Variants in RNF146 observed in about 807,000 individuals in gnomAD.
RNF146 encodes E3 ubiquitin-protein ligase RNF146.
Under a neutral mutation model 29.7 loss-of-function variants are expected in RNF146, and 11 were observed. The ratio of observed to expected loss-of-function variants is 0.37; its 90% CI spans 0.23 to 0.61. The LOEUF (loss-of-function observed/expected upper bound fraction) is 0.61. Ranked by LOEUF, RNF146 falls within the 20% of genes least tolerant of loss-of-function variation. The pLI is 0.66. For missense variants in RNF146, 342 were observed against 438.9 expected (o/e 0.78, Z 1.97); for synonymous variants, 150 against 159.7 (o/e 0.94, Z 0.46).
chr6:127,274,437 T>C (rs181687813), intron 1 of RNF146, among the ~76,000 whole-genome samples: 1 of 144,196 alleles, frequency 6.9e-6, no homozygotes, highest in Non-Finnish European at 1.6e-5. Flanking sequence ...AGTAAGTGAA[T>C]AGAGAGGAAT....
chr6:127,283,993 T>C (rs1305618757), intron 2 of RNF146, among the ~76,000 whole-genome samples: 2 of 151,782 alleles, frequency 1.3e-5, no homozygotes, highest in African/African-American at 4.8e-5. Flanking sequence ...TGAAATTATG[T>C]GTTTTGGTTT....
In RNF146 at chr6:127,286,258, G is replaced by T; in HGVS notation, c.3-358G>T. On this transcript the variant is annotated intron_variant, in intron 2 of 2. Coordinates refer to ENST00000368314, the MANE Select transcript of RNF146 (RefSeq NM_001242850.2). This position sits in a 1 kb window ranked among gnomAD's most constrained non-coding sequence, Gnocchi z 4.6. ...AAGGACTCTAAAACTCAGATTTTTA[G>T]ATTTCTTGTCTAGCATTCATTTCAC... is the stretch of plus-strand genomic sequence containing the variant. 1 of 1,080,890 alleles carries T rather than the reference G, an allele frequency of 9.3e-7. No individual in the cohort carries two copies. Among genetic ancestry groups the T allele is most frequent in the Non-Finnish European group, 1.2e-6 (1 of 849,806 alleles). 67.0% of individuals were successfully genotyped at this position (1,080,890 alleles called of 1,614,324 possible).
At chr6:127,268,129 G>A (rs1776926235) in intron 1 of RNF146, among the ~76,000 whole-genome samples, 1 of 151,796 alleles carries the variant, frequency 6.6e-6, no homozygotes, top group Admixed American at 6.6e-5. Flanking sequence ...TAGAACTGAG[G>A]AGAGAAGAAA....
chr6:127,286,596 TTA>T lies in RNF146; in HGVS notation c.3-16_3-15del. The T allele has an allele frequency of 1.3e-6, 2 of 1,577,890 alleles. No individual in the cohort carries two copies. Among genetic ancestry groups the T allele is most frequent in the South Asian group, 2.3e-5 (2 of 86,442 alleles). Reference sequence around the variant, plus strand: ...CAAGAATTAAAACATGACTTTAATATTATATGTATTTTTTCTTAGGATGGCTG... The same window carrying T: ...CAAGAATTAAAACATGACTTTAATATTATGTATTTTTTCTTAGGATGGCTG... On this transcript the variant is annotated intron_variant, in intron 2 of 2. Coordinates refer to ENST00000368314, the MANE Select transcript of RNF146 (RefSeq NM_001242850.2). The surrounding 1 kb of genome is among the most constrained non-coding windows in gnomAD (Gnocchi z 4.6).
intron 1 of RNF146, among the ~76,000 whole-genome samples, chr6:127,269,802 T>G (rs9388557): frequency 0.13 from 19,824 of 152,128 alleles, 2,552 homozygotes; most frequent in East Asian, 0.56. Flanking sequence ...ATATATAATT[T>G]TTTTTGAGTT....
chr6:127,270,923 C>T (rs1329582354), intron 1 of RNF146, among the ~76,000 whole-genome samples: 1 of 151,404 alleles, frequency 6.6e-6, no homozygotes, highest in Non-Finnish European at 1.5e-5. Flanking sequence ...TCAAGAGATT[C>T]TCCTGCCTCA....
Position 127,286,422 on chromosome 6 carries a change from G to A in RNF146, c.3-194G>A, listed in dbSNP as rs1457213005. 4 of 686,788 alleles carry A rather than the reference G, an allele frequency of 5.8e-6. No individual in the cohort carries two copies. The highest frequency in any genetic ancestry group is 4.1e-4 in the Middle Eastern group (1 of 2,446). The allele number at this position is 686,788 out of a possible 1,614,324, so 42.5% of individuals were successfully genotyped here. On this transcript the variant is annotated intron_variant, in intron 2 of 2. Coordinates refer to ENST00000368314, the MANE Select transcript of RNF146 (RefSeq NM_001242850.2). The surrounding 1 kb of genome is among the most constrained non-coding windows in gnomAD (Gnocchi z 4.6). ...GAATTTTTATACATTCCCAAGGTAT[G>A]TACAAGTAGATGCTTACAAAAAATT...
intron 1 of RNF146, among the ~76,000 whole-genome samples, chr6:127,275,516 T>C (rs1778079908): frequency 6.6e-6 from 1 of 152,040 alleles, no homozygotes; most frequent in South Asian, 2.1e-4. Flanking sequence ...TCAACAAAAA[T>C]TGATTGACAA....
chr6:127,269,918 T>G lies in RNF146; in HGVS notation c.-109+2993T>G, dbSNP rs55949622. Among the ~76,000 whole-genome samples, 177 of 152,278 alleles carry G rather than the reference T, an allele frequency of 1.2e-3. 1 individual carries two copies. The highest frequency in any genetic ancestry group is 4.2e-3 in the African/African-American group (174 of 41,584). ...GTATTTTGAATAAATGGCAAAAATC[T>G]TATTAAACATTAGCTGTTAATAATT... On this transcript the variant is annotated intron_variant, in intron 1 of 2. Coordinates refer to ENST00000368314, the MANE Select transcript of RNF146 (RefSeq NM_001242850.2).
At position 127,286,157 on chromosome 6, in the gene RNF146, T is replaced by A; in HGVS notation, c.3-459T>A. The stretch of plus-strand genomic sequence containing the variant: ...TTTTTTTGTCCATTTTTACCTGAGC[T>A]TTGTAAACTCTGATTTGCAGGTAAG... On this transcript the variant is annotated intron_variant, in intron 2 of 2. Coordinates refer to ENST00000368314, the MANE Select transcript of RNF146 (RefSeq NM_001242850.2). The surrounding 1 kb of genome is among the most constrained non-coding windows in gnomAD (Gnocchi z 4.6). The A allele has an allele frequency of 8.1e-7, 1 of 1,230,872 alleles. No homozygotes were observed. Among genetic ancestry groups the A allele is most frequent in the Non-Finnish European group, 1.0e-6 (1 of 987,444 alleles). The allele number at this position is 1,230,872 out of a possible 1,614,324, so 76.2% of individuals were successfully genotyped here.
chr6:127,284,408 G>T (rs1779259906), intron 2 of RNF146, among the ~76,000 whole-genome samples: 1 of 151,820 alleles, frequency 6.6e-6, no homozygotes, highest in Non-Finnish European at 1.5e-5. Context: ...AGAATCATGA[G>T]TAGAATCTTT....
intron 1 of RNF146, among the ~76,000 whole-genome samples, chr6:127,277,707 A>G (rs187540153): frequency 9.1e-4 from 139 of 151,962 alleles, no homozygotes; most frequent in African/African-American, 3.2e-3. Context: ...CTTTATATTC[A>G]CTGGCAGCTG....
At chr6:127,266,742 C>A (rs981976755), upstream of RNF146, 57 of 152,300 alleles carry the variant, frequency 3.7e-4, 1 homozygote, top group African/African-American at 1.3e-3. Context: ...CGGCGCGAGA[C>A]AGGGGCAGAA....
chr6:127,267,480 G>T (rs1404740123), intron 1 of RNF146, among the ~76,000 whole-genome samples: 1 of 152,200 alleles, frequency 6.6e-6, no homozygotes, highest in Non-Finnish European at 1.5e-5. Flanking sequence ...ATGTTTTCCC[G>T]TGTGGGGTCA....
chr6:127,271,491 A>G (rs763056478), intron 1 of RNF146, among the ~76,000 whole-genome samples: 73 of 152,264 alleles, frequency 4.8e-4, no homozygotes, highest in Admixed American at 2.0e-3. Context: ...CATTGAATTC[A>G]TTGTCTCTAT....
chr6:127,272,699 A>G (rs1777665383), intron 1 of RNF146, among the ~76,000 whole-genome samples: 1 of 152,180 alleles, frequency 6.6e-6, no homozygotes, highest in African/African-American at 2.4e-5. Context: ...AGGTGAAATA[A>G]AAGAATGCTC....
Position 127,286,605 on chromosome 6 carries a change from T to C in RNF146, c.3-11T>C. The C allele has an allele frequency of 6.3e-7, 1 of 1,594,862 alleles. No individual in the cohort carries two copies. Among genetic ancestry groups the C allele is most frequent in the Admixed American group, 1.8e-5 (1 of 56,346 alleles). ...AAACATGACTTTAATATTATATGTATTTTTTCTTAGGATGGCTGGCTGTGG... is the reference window on the plus strand; with the variant it reads ...AAACATGACTTTAATATTATATGTACTTTTTCTTAGGATGGCTGGCTGTGG... On this transcript the variant is annotated splice_polypyrimidine_tract_variant and intron_variant, in intron 2 of 2. Coordinates refer to ENST00000368314, the MANE Select transcript of RNF146 (RefSeq NM_001242850.2). The surrounding 1 kb of genome is among the most constrained non-coding windows in gnomAD (Gnocchi z 4.6).
intron 2 of RNF146, chr6:127,285,391 A>G: frequency 1.0e-6 from 1 of 954,672 alleles, no homozygotes; most frequent in Non-Finnish European, 1.2e-6. Context: ...CTACTGACCC[A>G]TTTAGAATGG....
At chr6:127,274,979 G>A (rs1778004980) in intron 1 of RNF146, among the ~76,000 whole-genome samples, 1 of 152,132 alleles carries the variant, frequency 6.6e-6, no homozygotes, top group Non-Finnish European at 1.5e-5. Flanking sequence ...AGAGCAAATT[G>A]ACTTTTGAGT....
Sources: allele counts gnomAD v4.1 joint callset (sites outside exome capture counted in the v4.1 genomes callset), GRCh38; gene constraint gnomAD v4.1.1; non-coding constraint Gnocchi (gnomAD v3.1); transcripts MANE v1.5; gene names NCBI Gene and HGNC (gene_info 2026-07-23, HGNC 2026-07-21).